Variants in TNRC6B observed in about 807,000 individuals in gnomAD.
TNRC6B encodes the protein trinucleotide repeat containing adaptor 6B.
In TNRC6B, 52 loss-of-function variants were observed where a neutral mutation model predicts 203.6. The ratio of observed to expected loss-of-function variants is 0.26; its 90% confidence interval spans 0.20 to 0.32. TNRC6B has a LOEUF of 0.32. Ranked by LOEUF, TNRC6B falls within the 10% of genes least tolerant of loss-of-function variation. TNRC6B has a pLI of 1.00. For synonymous variants in TNRC6B, 838 were observed against 845.7 expected, an observed-to-expected ratio of 0.99 and a Z score of 0.16; for missense variants, 1,923 against 2,286.2, an observed-to-expected ratio of 0.84 and a Z score of 3.24.
intron 15 of TNRC6B, among the ~76,000 whole-genome samples, chr22:40,303,019 T>TTCC (rs1164626616): frequency 6.7e-6 from 1 of 149,186 alleles, no homozygotes; most frequent in Non-Finnish European, 1.5e-5. Context: ...TATGCTGTAT[T>TTCC]TCCTTCTTCT....
chr22:40,318,141 C>T (rs572050175), intron 21 of TNRC6B, among the ~76,000 whole-genome samples: 2 of 152,272 alleles, frequency 1.3e-5, no homozygotes, highest in African/African-American at 4.8e-5. Flanking sequence ...GAGTAAATCA[C>T]AGGACTCGTA....
chr22:40,075,296 G>T (rs1284196743), intron 1 of TNRC6B, among the ~76,000 whole-genome samples: 2 of 148,588 alleles, frequency 1.3e-5, no homozygotes, highest in African/African-American at 5.0e-5. Context: ...TTTGCTTCAT[G>T]CATCTTGAGC....
chr22:40,146,731 TTG>T (rs2068698831), intron 3 of TNRC6B, among the ~76,000 whole-genome samples: 3 of 152,124 alleles, frequency 2.0e-5, no homozygotes, highest in Admixed American at 6.5e-5. Flanking sequence ...GGCTAATTTT[TTG>T]TGTGTGTTTG....
chr22:40,227,961 CTT>C, intron 1 of TNRC6B, among the ~76,000 whole-genome samples: 1 of 152,296 alleles, frequency 6.6e-6, no homozygotes, highest in Middle Eastern at 3.4e-3. Context: ...TATTTCATCA[CTT>C]TTCTGTAGAG....
At chr22:40,065,802 T>TG (rs2067889878) in intron 1 of TNRC6B, among the ~76,000 whole-genome samples, 1 of 152,144 alleles carries the variant, frequency 6.6e-6, no homozygotes, top group African/African-American at 2.4e-5. Context: ...AACTGAATCT[T>TG]CTGAGTCTTC....
At chr22:40,273,298 G>A (rs1362991086) in intron 6 of TNRC6B, 127 bp from the exon 7 acceptor site, 7 of 839,222 alleles carry the variant, frequency 8.3e-6, no homozygotes, top group Non-Finnish European at 1.2e-5. Context: ...AATAATATTT[G>A]TCTTGCCATG....
At position 40,316,196 on chromosome 22, in the gene TNRC6B, T is replaced by TA. The variant is rs369348254; in HGVS notation, c.4974+185dup. 4.6e-4 allele frequency among the ~76,000 whole-genome samples: 69 copies of TA among 151,512 alleles called. No individual in the cohort carries two copies. The East Asian group carries it at 0.012, about 27-fold the overall frequency. The stretch of plus-strand genomic sequence containing the variant: ...GGTGAAACCCCGTCTCTACTAAAAA[T>TA]ACAAAAAATTAGCTGAGCATGGTGG... On this transcript the variant is annotated intron_variant, in intron 21 of 22. Transcript: ENST00000454349.
intron 3 of TNRC6B, among the ~76,000 whole-genome samples, chr22:40,143,038 G>A (rs1160792432): frequency 1.3e-5 from 2 of 152,122 alleles, no homozygotes; most frequent in African/African-American, 4.8e-5. Flanking sequence ...AACATTTCTT[G>A]GTAACATGCA....
At chr22:40,135,595 G>A (rs889348663) in intron 3 of TNRC6B, among the ~76,000 whole-genome samples, 3 of 152,050 alleles carry the variant, frequency 2.0e-5, no homozygotes, top group African/African-American at 7.2e-5. Context: ...TGAATTTAAT[G>A]GGCTCAAGTG....
At chr22:40,226,946 A>G (rs188957510) in intron 1 of TNRC6B, among the ~76,000 whole-genome samples, 7 of 152,026 alleles carry the variant, frequency 4.6e-5, no homozygotes, top group South Asian at 2.1e-4. Context: ...GTCTTACTCT[A>G]TCACCTAGGC....
At chr22:40,294,381 A>G (rs4820410) in intron 12 of TNRC6B, among the ~76,000 whole-genome samples, 47,508 of 152,068 alleles carry the variant, frequency 0.31, 8,175 homozygotes, top group South Asian at 0.46. Flanking sequence ...ATGTGTCTCT[A>G]TCTTCACATG....
chr22:40,298,874 G>A (rs2146545241), intron 12 of TNRC6B, among the ~76,000 whole-genome samples: 1 of 152,148 alleles, frequency 6.6e-6, no homozygotes, highest in South Asian at 2.1e-4. Context: ...GCTGAGGCAG[G>A]AGAATGGCGT....
intron 5 of TNRC6B, among the ~76,000 whole-genome samples, chr22:40,269,912 C>A (rs2070535375): frequency 6.9e-6 from 1 of 144,270 alleles, no homozygotes; most frequent in Non-Finnish European, 1.5e-5. Context: ...AAAAAAAATT[C>A]CTGGCAGTTG....
chr22:40,091,968 A>G (rs1442537034), intron 1 of TNRC6B, among the ~76,000 whole-genome samples: 1 of 152,192 alleles, frequency 6.6e-6, no homozygotes, highest in African/African-American at 2.4e-5. Flanking sequence ...AGAAACATAA[A>G]TCTTCTCAGG....
intron 1 of TNRC6B, among the ~76,000 whole-genome samples, chr22:40,199,230 G>C (rs1054952034): frequency 1.3e-5 from 2 of 152,034 alleles, no homozygotes; most frequent in African/African-American, 4.8e-5. Flanking sequence ...ACCTATGTAC[G>C]GACTTATCAG....
At chr22:40,155,505 T>C (rs2068811808) in intron 3 of TNRC6B, among the ~76,000 whole-genome samples, 1 of 152,100 alleles carries the variant, frequency 6.6e-6, no homozygotes. Flanking sequence ...GCCAGGATGG[T>C]CTTGATCTCC....
rs2044020679 is a variant in TNRC6B, at chr22:40,335,248, T to C, written c.*12007T>C. 6.7e-6 allele frequency: 1 copy of C among 149,874 alleles called. No individual in the cohort carries two copies. The highest frequency in any genetic ancestry group is 2.1e-4 in the South Asian group (1 of 4,734). The allele number at this position is 149,874 out of a possible 1,614,324, so 9.3% of individuals were successfully genotyped here. A position where few individuals can be genotyped will look rare whatever the true frequency, so the allele number is the denominator to read the frequency against. ...AAATTGCTCCTCATATTACTGGTTT[T>C]ACATGGACACAGAAACTAGGCACTT... is the stretch of plus-strand genomic sequence containing the variant. On this transcript the variant is annotated 3_prime_UTR_variant, in exon 23 of 23. Coordinates refer to ENST00000454349, the MANE Select transcript of TNRC6B (RefSeq NM_001162501.2).
At chr22:40,046,635 C>CA (rs955859428) in intron 1 of TNRC6B, among the ~76,000 whole-genome samples, 5 of 134,944 alleles carry the variant, frequency 3.7e-5, no homozygotes, top group South Asian at 4.7e-4. Flanking sequence ...TTTTTTGAGA[C>CA]AGAGTCTCAA....
chr22:40,093,659 A>G (rs1305081245), intron 1 of TNRC6B, among the ~76,000 whole-genome samples: 1 of 152,254 alleles, frequency 6.6e-6, no homozygotes, highest in African/African-American at 2.4e-5. Flanking sequence ...ATTTTGAAAT[A>G]AAAACCATTT....
Sources: allele counts gnomAD v4.1 joint callset (sites outside exome capture counted in the v4.1 genomes callset), GRCh38; gene constraint gnomAD v4.1.1; transcripts MANE v1.5; gene names NCBI Gene and HGNC (gene_info 2026-07-23, HGNC 2026-07-21).